Variants in TBPL1 observed in about 807,000 individuals in gnomAD.
The protein encoded by TBPL1 is TATA box-binding protein-like 1.
TBPL1 carries 4 observed loss-of-function variants against 22.1 expected under a neutral mutation model. The ratio of observed to expected loss-of-function variants is 0.18; its 90% CI spans 0.09 to 0.41. The LOEUF is 0.41. Ranked by LOEUF, TBPL1 falls within the 10% of genes least tolerant of loss-of-function variation. The probability of loss-of-function intolerance (pLI) is 1.00; values close to 1 mark genes in which losing one functional copy is unlikely to be tolerated. For missense variants in TBPL1, 115 were observed against 222.3 expected, an observed-to-expected ratio of 0.52 and a Z score of 3.07; for synonymous variants, 64 against 71.0, an observed-to-expected ratio of 0.90 and a Z score of 0.50.
chr6:133,953,767 CG>C (rs113258758), intron 1 of TBPL1, among the ~76,000 whole-genome samples: 11,846 of 151,948 alleles, frequency 0.078, 444 homozygotes, highest in Non-Finnish European at 0.085. Flanking sequence ...CTGGGAAAGA[CG>C]GGGAAAAGAG....
chr6:133,975,382 TAAAG>T (rs137936780), intron 1 of TBPL1, among the ~76,000 whole-genome samples: 11,915 of 152,140 alleles, frequency 0.078, 444 homozygotes, highest in Non-Finnish European at 0.085. Context: ...TTAAAACTCT[TAAAG>T]AAATTGAATT....
Position 133,989,291 on chromosome 6 carries a change from A to G in TBPL1, c.*2251A>G, listed in dbSNP as rs1055461177. The G allele has an allele frequency of 7.2e-5, 11 of 152,014 alleles. No homozygotes were observed. The highest frequency in any genetic ancestry group is 2.7e-4 in the African/African-American group (11 of 41,390). 9.4% of individuals were successfully genotyped at this position (152,014 alleles called of 1,614,324 possible). On this transcript the variant is annotated 3_prime_UTR_variant, in exon 7 of 7. Coordinates refer to ENST00000237264, the MANE Select transcript of TBPL1 (RefSeq NM_004865.4). ...AAGAAGCTTGATTTGGTGTGGTGCA[A>G]TGGATATTGGATAAAAATTTGAAGA...
At chr6:133,955,830 A>G (rs372849326) in intron 1 of TBPL1, among the ~76,000 whole-genome samples, 3 of 152,230 alleles carry the variant, frequency 2.0e-5, no homozygotes, top group African/African-American at 7.2e-5. Flanking sequence ...CTGAAATTAT[A>G]TTCTGCCAAA....
At chr6:133,967,008 C>T (rs1001590809) in intron 1 of TBPL1, among the ~76,000 whole-genome samples, 1 of 152,112 alleles carries the variant, frequency 6.6e-6, no homozygotes, top group Admixed American at 6.5e-5. Context: ...AAATTCTGAA[C>T]GTGGCATAGA....
intron 1 of TBPL1, among the ~76,000 whole-genome samples, chr6:133,968,518 A>G (rs1776162058): frequency 1.3e-5 from 2 of 152,212 alleles, no homozygotes; most frequent in South Asian, 2.1e-4. Context: ...AATAGAGCAT[A>G]TCAAAATTTG....
Position 133,989,171 on chromosome 6 carries a change from C to T in TBPL1, c.*2131C>T, listed in dbSNP as rs1019820861. 2.0e-5 allele frequency: 3 copies of T among 152,136 alleles called. No homozygotes were observed. The highest frequency in any genetic ancestry group is 7.2e-5 in the African/African-American group (3 of 41,430). 9.4% of individuals were successfully genotyped at this position (152,136 alleles called of 1,614,324 possible). On this transcript the variant is annotated 3_prime_UTR_variant, in exon 7 of 7. Transcript: ENST00000237264. ...TGAGTGCTCTGATGTCTTCTGCTGG[C>T]TCTCCATAAGTACTGTAAATTTTTT...
At chr6:133,980,948 C>A (rs565940215) in intron 2 of TBPL1, among the ~76,000 whole-genome samples, 10 of 149,740 alleles carry the variant, frequency 6.7e-5, no homozygotes, top group Non-Finnish European at 1.3e-4. Context: ...ATGTAAATTG[C>A]CATTAATTAA....
intron 1 of TBPL1, among the ~76,000 whole-genome samples, chr6:133,962,579 A>T (rs1041399470): frequency 6.6e-6 from 1 of 152,176 alleles, no homozygotes; most frequent in South Asian, 2.1e-4. Flanking sequence ...TTTTGTTTGT[A>T]TGTGTCGATT....
At chr6:133,957,169 TA>T (rs932436931) in intron 1 of TBPL1, among the ~76,000 whole-genome samples, 75 of 151,838 alleles carry the variant, frequency 4.9e-4, no homozygotes, top group African/African-American at 9.4e-4. Context: ...TAAATGTTTT[TA>T]AAAAAAAACT....
chr6:133,980,081 G>A lies in TBPL1; in HGVS notation c.-44-1G>A. Reference sequence around the variant, plus strand: ...TGACTTTATTTTGTTTTATTTCTCAGGATGTGATCTTCGTGGTGGAAAGCT... The same window carrying A: ...TGACTTTATTTTGTTTTATTTCTCAAGATGTGATCTTCGTGGTGGAAAGCT... On this transcript the variant is annotated splice_acceptor_variant, in intron 1 of 6. Transcript: ENST00000237264. LOFTEE classifies it low-confidence loss of function (5UTR_SPLICE). 1 of 1,429,646 alleles carries A rather than the reference G, an allele frequency of 7.0e-7. No individual in the cohort carries two copies. The highest frequency in any genetic ancestry group is 9.2e-7 in the Non-Finnish European group (1 of 1,086,072). The allele number at this position is 1,429,646 out of a possible 1,614,324, so 88.6% of individuals were successfully genotyped here.
At position 133,989,820 on chromosome 6, in the gene TBPL1, T is replaced by A. The variant is rs1252747262; in HGVS notation, c.*2780T>A. 6.6e-6 allele frequency: 1 copy of A among 152,192 alleles called. No individual in the cohort carries two copies. The highest frequency in any genetic ancestry group is 6.5e-5 in the Admixed American group (1 of 15,284). The allele number at this position is 152,192 out of a possible 1,614,324, so 9.4% of individuals were successfully genotyped here. A position where few individuals can be genotyped will look rare whatever the true frequency, so the allele number is the denominator to read the frequency against. On this transcript the variant is annotated 3_prime_UTR_variant, in exon 7 of 7. Coordinates refer to ENST00000237264, the MANE Select transcript of TBPL1 (RefSeq NM_004865.4). ...AGGAACCAATAGGAAAATTCCAAGC[T>A]AAATAAAAAGGAGCTTTGGCTCTTA...
At chr6:133,957,796 A>G (rs1775953091) in intron 1 of TBPL1, among the ~76,000 whole-genome samples, 2 of 152,232 alleles carry the variant, frequency 1.3e-5, no homozygotes, top group Non-Finnish European at 1.5e-5. Context: ...ACTACGTTAC[A>G]GGGTTGCTGT....
rs753170573 is a variant in TBPL1, at chr6:133,980,093, C to T, written c.-33C>T. On this transcript the variant is annotated 5_prime_UTR_variant, in exon 2 of 7. Transcript: ENST00000237264. ...GTTTTATTTCTCAGGATGTGATCTT[C>T]GTGGTGGAAAGCTAAATTTTAAAAC... 7 of 1,455,288 alleles carry T rather than the reference C, an allele frequency of 4.8e-6. No homozygotes were observed. Among genetic ancestry groups the T allele is most frequent in the South Asian group, 3.2e-5 (2 of 62,496 alleles). The allele number at this position is 1,455,288 out of a possible 1,614,324, so 90.1% of individuals were successfully genotyped here.
chr6:133,978,266 A>T (rs541654495), intron 1 of TBPL1, among the ~76,000 whole-genome samples: 2 of 152,314 alleles, frequency 1.3e-5, no homozygotes, highest in Admixed American at 1.3e-4. Context: ...TTCATCAATA[A>T]TTACTGTCAT....
At position 133,989,233 on chromosome 6, in the gene TBPL1, G is replaced by A. The variant is rs573479215; in HGVS notation, c.*2193G>A. 3 of 152,094 alleles carry A rather than the reference G, an allele frequency of 2.0e-5. No individual in the cohort carries two copies. The highest frequency in any genetic ancestry group is 3.8e-4 in the East Asian group (2 of 5,196). 9.4% of individuals were successfully genotyped at this position (152,094 alleles called of 1,614,324 possible). On this transcript the variant is annotated 3_prime_UTR_variant, in exon 7 of 7. Transcript: ENST00000237264. ...AACTGTGAATATATATGTACAAGTT[G>A]TAAGTATTTCCCCCTTTTTATTTTT...
At chr6:133,965,301 G>A (rs2114339599) in intron 1 of TBPL1, among the ~76,000 whole-genome samples, 1 of 152,194 alleles carries the variant, frequency 6.6e-6, no homozygotes, top group South Asian at 2.1e-4. Context: ...GGAAGTAGGG[G>A]CACATATAAG....
intron 1 of TBPL1, among the ~76,000 whole-genome samples, chr6:133,966,786 C>T (rs754571009): frequency 6.0e-5 from 9 of 149,094 alleles, no homozygotes; most frequent in South Asian, 2.1e-4. Flanking sequence ...CTTAAAACTG[C>T]CTGTCTTGTG....
At chr6:133,956,150 T>C (rs978845772) in intron 1 of TBPL1, among the ~76,000 whole-genome samples, 1 of 152,222 alleles carries the variant, frequency 6.6e-6, no homozygotes, top group African/African-American at 2.4e-5. Flanking sequence ...GACCATGTGA[T>C]GAAATTATTG....
rs191093605 is a variant in TBPL1 at position 133,962,479 on chromosome 6, C to A, written c.-45+9054C>A. Among the ~76,000 whole-genome samples, 3 of 152,330 alleles carry A rather than the reference C, an allele frequency of 2.0e-5. No homozygotes were observed. In the East Asian group the frequency reaches 5.8e-4, roughly 29 times the overall value. ...GAGATGAAGGATGATTCTGAAATTT[C>A]TGGTTGAAGTGAGCGAGTGTTAATT... On this transcript the variant is annotated intron_variant, in intron 1 of 6. Transcript: ENST00000237264.
Sources: gnomAD v4.1 joint callset for allele counts (sites outside exome capture counted in the v4.1 genomes callset) on GRCh38, gnomAD v4.1.1 for gene constraint, MANE v1.5 for transcripts, NCBI Gene and HGNC (gene_info 2026-07-23, HGNC 2026-07-21) for gene names.